Variants in ERBB4 observed in about 807,000 individuals in gnomAD.
The protein encoded by ERBB4 is erb-b2 receptor tyrosine kinase 4.
A neutral mutation model predicts 158.0 loss-of-function variants in ERBB4; 42 were observed. The observed-to-expected ratio is 0.27, with a 90% confidence interval of 0.21 to 0.34. The LOEUF (loss-of-function observed/expected upper bound fraction) is 0.34. Ranked by LOEUF, ERBB4 falls within the 10% of genes least tolerant of loss-of-function variation. The probability of loss-of-function intolerance (pLI) is 1.00; values close to 1 mark genes in which losing one functional copy is unlikely to be tolerated. For missense variants in ERBB4, 1,333 were observed against 1,624.1 expected (o/e 0.82, Z 3.08); for synonymous variants, 583 against 558.7 (o/e 1.04, Z -0.61).
At chr2:211,797,117 T>TA (rs1297288418) in intron 3 of ERBB4, among the ~76,000 whole-genome samples, 3 of 151,896 alleles carry the variant, frequency 2.0e-5, no homozygotes, top group Admixed American at 6.6e-5. Context: ...CTCTTTTACA[T>TA]AAAGCTCACA....
intron 1 of ERBB4, among the ~76,000 whole-genome samples, chr2:212,270,817 T>C (rs2085313777): frequency 6.6e-6 from 1 of 151,600 alleles, no homozygotes; most frequent in South Asian, 2.1e-4. Context: ...AGGGAGCTAT[T>C]GGGAGAGGAG....
intron 20 of ERBB4, among the ~76,000 whole-genome samples, chr2:211,512,770 CCATGTT>C (rs2065913751): frequency 6.6e-6 from 1 of 152,044 alleles, no homozygotes; most frequent in African/African-American, 2.4e-5. Context: ...TCTCCCACTG[CCATGTT>C]TGGAGATTTG....
At chr2:211,465,091 C>T (rs1383275394) in intron 20 of ERBB4, among the ~76,000 whole-genome samples, 1 of 151,750 alleles carries the variant, frequency 6.6e-6, no homozygotes, top group Non-Finnish European at 1.5e-5. Flanking sequence ...TAGTGATCCT[C>T]CTGCCTCAGC....
At chr2:212,527,588 T>C (rs1257743553) in intron 1 of ERBB4, among the ~76,000 whole-genome samples, 1 of 152,154 alleles carries the variant, frequency 6.6e-6, no homozygotes, top group Non-Finnish European at 1.5e-5. Context: ...AACCCCTCTA[T>C]TGTACTGGTA....
At chr2:212,007,540 T>A (rs1314495720) in intron 2 of ERBB4, among the ~76,000 whole-genome samples, 3 of 151,894 alleles carry the variant, frequency 2.0e-5, no homozygotes, top group South Asian at 2.1e-4. Flanking sequence ...AGCAACTTTT[T>A]AAAAATATTT....
chr2:212,313,763 T>C (rs993054972), intron 1 of ERBB4, among the ~76,000 whole-genome samples: 2 of 151,016 alleles, frequency 1.3e-5, no homozygotes, highest in South Asian at 2.1e-4. Flanking sequence ...TATCTTTGTT[T>C]CTTCATTTAA....
chr2:211,424,368 C>A (rs2125412426), intron 22 of ERBB4, 67 bp from the exon 23 acceptor site: 1 of 1,137,284 alleles, frequency 8.8e-7, no homozygotes, highest in Non-Finnish European at 1.3e-6. Flanking sequence ...CAGCACTATA[C>A]CAGTAGTAAA....
chr2:211,671,405 G>T (rs1003576476), intron 14 of ERBB4, among the ~76,000 whole-genome samples: 1 of 151,776 alleles, frequency 6.6e-6, no homozygotes, highest in Non-Finnish European at 1.5e-5. Context: ...AAACTAAAAA[G>T]GTTAAGAGAA....
intron 1 of ERBB4, 126 bp from the exon 2 acceptor site, chr2:212,125,029 T>A: frequency 8.4e-7 from 1 of 1,193,138 alleles, no homozygotes; most frequent in East Asian, 2.5e-5. Context: ...AATATTTCGA[T>A]CGTCATTAAG....
At chr2:211,415,010 ATAT>A (rs746581592) in intron 25 of ERBB4, among the ~76,000 whole-genome samples, 29 of 150,478 alleles carry the variant, frequency 1.9e-4, no homozygotes, top group East Asian at 3.9e-4. Flanking sequence ...GTTTTAGCTG[ATAT>A]TATTATTATT....
At chr2:212,426,743 A>T (rs2091921973) in intron 1 of ERBB4, among the ~76,000 whole-genome samples, 2 of 152,094 alleles carry the variant, frequency 1.3e-5, no homozygotes, top group Non-Finnish European at 2.9e-5. Flanking sequence ...TATTTTAAAA[A>T]TAACCATTAC....
chr2:212,461,362 C>G (rs2086612), intron 1 of ERBB4, among the ~76,000 whole-genome samples: 25,432 of 152,178 alleles, frequency 0.17, 2,423 homozygotes, highest in African/African-American at 0.24. Flanking sequence ...TTGCATCCCA[C>G]TGTGACTTGG....
intron 2 of ERBB4, among the ~76,000 whole-genome samples, chr2:212,035,408 T>C (rs2076990950): frequency 6.6e-6 from 1 of 152,192 alleles, no homozygotes; most frequent in African/African-American, 2.4e-5. Context: ...GTCTCATCCC[T>C]CCACCCACTT....
chr2:212,486,723 G>A (rs751779032), intron 1 of ERBB4, among the ~76,000 whole-genome samples: 6 of 152,144 alleles, frequency 3.9e-5, no homozygotes, highest in Non-Finnish European at 7.4e-5. Context: ...AGGGCAGACA[G>A]AAATATAAAC....
intron 1 of ERBB4, among the ~76,000 whole-genome samples, chr2:212,250,628 A>G (rs2106047627): frequency 6.6e-6 from 1 of 152,130 alleles, no homozygotes; most frequent in South Asian, 2.1e-4. Context: ...TAATATTCCA[A>G]TAACATTCAA....
chr2:211,491,727 C>G (rs1184485844), intron 20 of ERBB4, among the ~76,000 whole-genome samples: 1 of 151,898 alleles, frequency 6.6e-6, no homozygotes, highest in Non-Finnish European at 1.5e-5. Flanking sequence ...ATTATTTTGA[C>G]TTTTTAAAAT....
At chr2:211,755,308 C>G (rs1338525541) in intron 4 of ERBB4, among the ~76,000 whole-genome samples, 1 of 152,100 alleles carries the variant, frequency 6.6e-6, no homozygotes, top group African/African-American at 2.4e-5. Flanking sequence ...TCCAAACCAG[C>G]TTGGGCAACA....
At chr2:212,361,888 G>A (rs1190767550) in intron 1 of ERBB4, among the ~76,000 whole-genome samples, 1 of 151,558 alleles carries the variant, frequency 6.6e-6, no homozygotes, top group Non-Finnish European at 1.5e-5. Flanking sequence ...AAGTAGAACA[G>A]GGTAACAAGG....
intron 20 of ERBB4, among the ~76,000 whole-genome samples, chr2:211,442,360 G>A (rs2063998944): frequency 1.4e-5 from 2 of 147,708 alleles, no homozygotes; most frequent in Admixed American, 6.9e-5. Flanking sequence ...TAGTGATAAT[G>A]TCCAACTTTA....
Sources: gnomAD v4.1 joint callset for allele counts (sites outside exome capture counted in the v4.1 genomes callset) on GRCh38, gnomAD v4.1.1 for gene constraint, MANE v1.5 for transcripts, NCBI Gene and HGNC (gene_info 2026-07-23, HGNC 2026-07-21) for gene names.